The following CRYBG2 variants were observed in gnomAD, a reference collection of about 807,000 sequenced individuals.
CRYBG2 encodes the protein crystallin beta-gamma domain containing 2, also known as beta/gamma crystallin domain-containing protein 2.
CRYBG2 carries 106 observed loss-of-function variants against 153.4 expected under a neutral mutation model. The ratio of observed to expected loss-of-function variants is 0.69; its 90% CI spans 0.59 to 0.81. CRYBG2 has a LOEUF of 0.81. Among genes scored for constraint, CRYBG2 ranks in the 30% least tolerant of loss-of-function variants. The pLI is 0.00. For missense variants in CRYBG2, 1,996 were observed against 2,112.0 expected (o/e 0.95, Z 1.08); for synonymous variants, 851 against 877.8 (o/e 0.97, Z 0.54).
At position 26,325,827 on chromosome 1, in the gene CRYBG2, C is replaced by T. The variant is rs753965306; in HGVS notation, c.4579-1517G>A. 5.9e-5 allele frequency among the ~76,000 whole-genome samples: 9 copies of T among 152,176 alleles called. No homozygotes were observed. Among genetic ancestry groups the T allele is most frequent in the Non-Finnish European group, 1.2e-4 (8 of 68,032 alleles). ...GCACGGACATACAGAAACACATATGCAGGCAGTGCTTCCCCAAGTGAGGTA... is the reference window on the plus strand; with the variant it reads ...GCACGGACATACAGAAACACATATGTAGGCAGTGCTTCCCCAAGTGAGGTA... On this transcript the variant is annotated intron_variant, in intron 17 of 19. Transcript: ENST00000308182. The surrounding 1 kb of genome is among the most constrained non-coding windows in gnomAD (Gnocchi z 4.1).
intron 17 of CRYBG2, 115 bp from the exon 18 acceptor site, chr1:26,324,425 C>T (rs1319943460): frequency 1.7e-5 from 20 of 1,160,800 alleles, no homozygotes; most frequent in Non-Finnish European, 2.4e-5. Context: ...CCTCCTGTCC[C>T]CAAACCTTCC....
chr1:26,347,304 T>TTG (rs2074236271), intron 1 of CRYBG2, among the ~76,000 whole-genome samples: 3 of 140,698 alleles, frequency 2.1e-5, no homozygotes, highest in Non-Finnish European at 4.7e-5. Context: ...TTTTTTTTTT[T>TTG]TTTTTGTGAG....
At position 26,345,558 on chromosome 1, in the gene CRYBG2, G is replaced by A. The variant is rs750549546; in HGVS notation, c.1100C>T (p.Thr367Ile). ...LETHVPSPGL[T>I]HPAKQPVVPT... ...CACCACAGGCTGCTTTGCAGGGTGA[G>A]TTAGGCCAGGAGAGGGGACATGGGT... Residue 367 changes from threonine to isoleucine, a missense_variant, in exon 2 of 20, where the codon ACT becomes ATT. Transcript: ENST00000308182. 6.2e-7 allele frequency: 1 copy of A among 1,605,302 alleles called. No homozygotes were observed. Among genetic ancestry groups the A allele is most frequent in the South Asian group, 1.1e-5 (1 of 90,842 alleles).
At chr1:26,351,949 T>G (rs1362685215) in intron 1 of CRYBG2, among the ~76,000 whole-genome samples, 1 of 152,150 alleles carries the variant, frequency 6.6e-6, no homozygotes, top group Non-Finnish European at 1.5e-5. Flanking sequence ...CCCAGAGCCC[T>G]TTCTTCTGCA....
intron 5 of CRYBG2, 76 bp downstream of exon 5, chr1:26,342,678 C>T (rs755580885): frequency 2.4e-5 from 37 of 1,567,068 alleles, no homozygotes; most frequent in Non-Finnish European, 2.8e-5. Context: ...GCATTACAGG[C>T]GTGAGTCACT....
chr1:26,338,007 C>T lies in CRYBG2; in HGVS notation c.3507+5G>A. 6.2e-7 allele frequency: 1 copy of T among 1,612,546 alleles called. No individual in the cohort carries two copies. The highest frequency in any genetic ancestry group is 8.5e-7 in the Non-Finnish European group (1 of 1,179,370). ...CCTCTTTGGCTCTTAAGCCCAGACT[C>T]TTACCCTGGGCTCCCCTGGCTTCTC... On this transcript the variant is annotated splice_donor_5th_base_variant and intron_variant, in intron 8 of 19. Coordinates refer to ENST00000308182, the MANE Select transcript of CRYBG2 (RefSeq NM_001039775.4).
At position 26,336,827 on chromosome 1, in the gene CRYBG2, C is replaced by A; in HGVS notation, c.3911+14G>T. On this transcript the variant is annotated intron_variant, in intron 11 of 19. Transcript: ENST00000308182. This position sits in a 1 kb window ranked among gnomAD's most constrained non-coding sequence, Gnocchi z 4.9. Reference sequence around the variant, plus strand: ...GCCCGGGCCCGCCCCGCTCCCGGAGCCCGGGTCACTTACACGCCGCTGAGC... The same window carrying A: ...GCCCGGGCCCGCCCCGCTCCCGGAGACCGGGTCACTTACACGCCGCTGAGC... 2.5e-6 allele frequency: 4 copies of A among 1,577,888 alleles called. No homozygotes were observed. Among genetic ancestry groups the A allele is most frequent in the Non-Finnish European group, 3.4e-6 (4 of 1,163,632 alleles).
intron 6 of CRYBG2, among the ~76,000 whole-genome samples, chr1:26,338,857 T>C (rs1252136927): frequency 1.3e-5 from 2 of 152,184 alleles, no homozygotes; most frequent in Non-Finnish European, 2.9e-5. Flanking sequence ...AGCTTAGCTG[T>C]CTCCTCTCTG....
At chr1:26,338,217 C>A in intron 7 of CRYBG2, 134 bp downstream of exon 7, 2 of 1,439,308 alleles carry the variant, frequency 1.4e-6, no homozygotes, top group Non-Finnish European at 1.9e-6. Context: ...AATAGAAGCT[C>A]CCAGGAAGCA....
At chr1:26,348,204 C>T (rs887161883) in intron 1 of CRYBG2, among the ~76,000 whole-genome samples, 2 of 152,190 alleles carry the variant, frequency 1.3e-5, no homozygotes, top group African/African-American at 4.8e-5. Context: ...TGGGCATGAG[C>T]ACCTGCTGAT....
intron 1 of CRYBG2, among the ~76,000 whole-genome samples, chr1:26,353,332 C>T (rs1430188670): frequency 6.6e-6 from 1 of 152,320 alleles, no homozygotes; most frequent in East Asian, 1.9e-4. Context: ...CTCATTTCCT[C>T]TTCAGGGTCA....
chr1:26,334,816 A>C (rs1472689857), intron 14 of CRYBG2, among the ~76,000 whole-genome samples: 1 of 151,910 alleles, frequency 6.6e-6, no homozygotes, highest in Non-Finnish European at 1.5e-5. Context: ...CCAGCTACTC[A>C]GGCGGCTGAA....
chr1:26,336,973 C>T lies in CRYBG2; in HGVS notation c.3779G>A (p.Gly1260Glu). 5 of 1,613,688 alleles carry T rather than the reference C, an allele frequency of 3.1e-6. No homozygotes were observed. Among genetic ancestry groups the T allele is most frequent in the Non-Finnish European group, 4.2e-6 (5 of 1,179,894 alleles). Residue 1260 changes from glycine to glutamate, a missense_variant, in exon 11 of 20, where the codon GGG (glycine) becomes GAG (glutamate). Transcript: ENST00000308182. This position sits in a 1 kb window ranked among gnomAD's most constrained non-coding sequence, Gnocchi z 4.9. ...CTCAAATAGCACGACGGCCGGGTCC[C>T]CGAAGTCCTGGGTCCCCAGGGACAG... ...TSLRVIRTDF[G>E]DPAVVLFEAM... is the part of the protein sequence containing the mutation.
In CRYBG2 at chr1:26,336,743, GGCGGGGC is replaced by G. The variant is rs1178192285; in HGVS notation, c.3912-18_3912-12del. 6.3e-7 allele frequency: 1 copy of G among 1,582,034 alleles called. No homozygotes were observed. Among genetic ancestry groups the G allele is most frequent in the Admixed American group, 1.8e-5 (1 of 55,550 alleles). ...TGGTAGGCCACCCACCTGCAGGAAG[GGCGGGGC>G]GCGAGTCAGCTGGGACGGAGCCTGC... On this transcript the variant is annotated splice_polypyrimidine_tract_variant and intron_variant, in intron 11 of 19. Transcript: ENST00000308182. The surrounding 1 kb of genome is among the most constrained non-coding windows in gnomAD (Gnocchi z 4.9).
Position 26,344,658 on chromosome 1 carries a change from C to A in CRYBG2, c.2000G>T (p.Gly667Val). Residue 667 changes from glycine (G) to valine (V), a missense_variant, in exon 2 of 20, where the codon GGC (glycine) becomes GTC (valine). By Grantham distance (109) the Gly-to-Val change is moderately radical. Transcript: ENST00000308182. ...PPLTKEETVQGPIAPATSLPK... is the reference protein window; with the variant it reads ...PPLTKEETVQVPIAPATSLPK... Reference sequence around the variant, plus strand: ...GAGTGAGGTGGCAGGAGCAATTGGGCCTTGAACAGTCTCTTCCTTGGTGAG... The same window carrying A: ...GAGTGAGGTGGCAGGAGCAATTGGGACTTGAACAGTCTCTTCCTTGGTGAG... The A allele has an allele frequency of 6.5e-7, 1 of 1,534,722 alleles. No individual in the cohort carries two copies. The highest frequency in any genetic ancestry group is 8.7e-7 in the Non-Finnish European group (1 of 1,146,076).
chr1:26,347,165 C>T (rs982083504), intron 1 of CRYBG2, among the ~76,000 whole-genome samples: 13 of 151,946 alleles, frequency 8.6e-5, no homozygotes, highest in African/African-American at 3.1e-4. Context: ...TCAAGCAGAG[C>T]TGGGTTCCTT....
intron 18 of CRYBG2, among the ~76,000 whole-genome samples, chr1:26,322,583 C>T (rs998936025): frequency 6.6e-6 from 1 of 152,232 alleles, no homozygotes; most frequent in Non-Finnish European, 1.5e-5. Context: ...TGATTGGCTT[C>T]CAAAGCATAG....
chr1:26,341,416 T>C (rs757171048), intron 5 of CRYBG2, among the ~76,000 whole-genome samples: 5 of 152,160 alleles, frequency 3.3e-5, no homozygotes, highest in African/African-American at 9.7e-5. Flanking sequence ...GTCATTGCTC[T>C]TCCTTCTCGT....
At chr1:26,328,393 G>A in intron 16 of CRYBG2, 61 bp from the exon 17 acceptor site, 1 of 1,537,992 alleles carries the variant, frequency 6.5e-7, no homozygotes, top group Non-Finnish European at 8.8e-7. Context: ...AGACAGACAG[G>A]TGGAGGAGGA....
Sources: allele counts gnomAD v4.1 joint callset (sites outside exome capture counted in the v4.1 genomes callset), GRCh38; gene constraint gnomAD v4.1.1; non-coding constraint Gnocchi (gnomAD v3.1); transcripts MANE v1.5; gene names NCBI Gene and HGNC (gene_info 2026-07-23, HGNC 2026-07-21).